The following WASF3 variants were observed in gnomAD, a reference collection of about 807,000 sequenced individuals.
The protein encoded by WASF3 is actin-binding protein WASF3.
Under a neutral mutation model 46.6 loss-of-function variants are expected in WASF3, and 11 were observed. The ratio of observed to expected loss-of-function variants is 0.24; its 90% confidence interval spans 0.15 to 0.39. The LOEUF (loss-of-function observed/expected upper bound fraction) is 0.39, where lower values mean the gene tolerates loss of function less well. Among genes scored for constraint, WASF3 ranks in the 10% least tolerant of loss-of-function variants. The pLI is 1.00. For synonymous variants in WASF3, 242 were observed against 259.7 expected (o/e 0.93, Z 0.65); for missense variants, 576 against 669.8 (o/e 0.86, Z 1.55).
rs1235144781 is a variant in WASF3, at chr13:26,629,002, T to C, written c.-10-13259T>C. Among the ~76,000 whole-genome samples the C allele has an allele frequency of 2.0e-5, 3 of 152,362 alleles. No individual in the cohort carries two copies. The East Asian group carries it at 5.8e-4, about 29-fold the overall frequency. ...GTGCTTCAGTGTGCCTTGAAAAGGC[T>C]GGCCCAGCGTTCATTGGGATGGACC... On this transcript the variant is annotated intron_variant, in intron 2 of 9. Transcript: ENST00000335327.
chr13:26,650,823 A>C (rs1000034396), intron 3 of WASF3, among the ~76,000 whole-genome samples: 2 of 152,238 alleles, frequency 1.3e-5, no homozygotes, highest in African/African-American at 4.8e-5. Flanking sequence ...AAATTATTTA[A>C]AGTGATTCAC....
chr13:26,678,478 T>C (rs1299578799), intron 7 of WASF3, among the ~76,000 whole-genome samples: 1 of 152,180 alleles, frequency 6.6e-6, no homozygotes, highest in African/African-American at 2.4e-5. Flanking sequence ...ATGTTTTCTT[T>C]CTTTTGACTT....
the WASF3 span, among the ~76,000 whole-genome samples, chr13:26,541,011 G>C: frequency 6.6e-6 from 1 of 151,942 alleles, no homozygotes; most frequent in Non-Finnish European, 1.5e-5. Context: ...TTGTCTCTGG[G>C]GTCTGGAATT....
intron 2 of WASF3, among the ~76,000 whole-genome samples, chr13:26,616,727 A>T (rs958923673): frequency 1.3e-5 from 2 of 152,098 alleles, no homozygotes; most frequent in Non-Finnish European, 2.9e-5. Context: ...GCTGTACATG[A>T]GTCAATAGCT....
At chr13:26,553,185 G>GA (rs1181736914), upstream of WASF3, among the ~76,000 whole-genome samples, 3 of 152,176 alleles carry the variant, frequency 2.0e-5, no homozygotes, top group African/African-American at 7.2e-5. Flanking sequence ...GGATTTCACA[G>GA]AACACTGACA....
At chr13:26,614,985 G>A (rs937782252) in intron 2 of WASF3, among the ~76,000 whole-genome samples, 3 of 151,960 alleles carry the variant, frequency 2.0e-5, no homozygotes, top group African/African-American at 7.3e-5. Flanking sequence ...TGATTAGCTT[G>A]GTGAGGCAGA....
At chr13:26,653,796 C>G (rs910375815) in intron 3 of WASF3, among the ~76,000 whole-genome samples, 1 of 152,208 alleles carries the variant, frequency 6.6e-6, no homozygotes. Context: ...TGACCTATCT[C>G]CTAGTTTCAA....
chr13:26,559,832 T>TCTTTCTTTCTCTCTTTCTTTC, intron 1 of WASF3, among the ~76,000 whole-genome samples: 1 of 98,734 alleles, frequency 1.0e-5, no homozygotes, highest in South Asian at 3.8e-4. Flanking sequence ...TTTTTTTTTT[T>TCTTTCTTTCTCTCTTTCTTTC]TTGAGACGGA....
At chr13:26,614,254 A>T (rs1022458235) in intron 2 of WASF3, among the ~76,000 whole-genome samples, 8 of 152,224 alleles carry the variant, frequency 5.3e-5, no homozygotes, top group Non-Finnish European at 1.0e-4. Context: ...AATTTACCAT[A>T]GGAAAATTGA....
chr13:26,686,012 GT>G lies in WASF3; in HGVS notation c.*168del, dbSNP rs1431598205. On this transcript the variant is annotated 3_prime_UTR_variant, in exon 10 of 10. Transcript: ENST00000335327. Reference sequence around the variant, plus strand: ...TCTGGGTCTTTTCAGTATTTACTGTGTAATACTTAAGTGCCACTAAACATAG... The same window carrying G: ...TCTGGGTCTTTTCAGTATTTACTGTGAATACTTAAGTGCCACTAAACATAG... 1.2e-6 allele frequency: 1 copy of G among 857,884 alleles called. No homozygotes were observed. The highest frequency in any genetic ancestry group is 2.7e-5 in the East Asian group (1 of 37,064). 53.1% of individuals were successfully genotyped at this position (857,884 alleles called of 1,614,324 possible).
intron 1 of WASF3, among the ~76,000 whole-genome samples, chr13:26,587,774 A>G (rs1373296524): frequency 6.6e-6 from 1 of 152,184 alleles, no homozygotes; most frequent in Non-Finnish European, 1.5e-5. Context: ...ATAATTCTGT[A>G]ACAAATTGGA....
intron 7 of WASF3, 51 bp from the exon 8 acceptor site, chr13:26,681,003 C>A: frequency 6.4e-7 from 1 of 1,562,418 alleles, no homozygotes; most frequent in Non-Finnish European, 8.7e-7. Context: ...TGTTAGCCGA[C>A]AATTTTTAAA....
At chr13:26,648,038 A>G (rs927760459) in intron 3 of WASF3, among the ~76,000 whole-genome samples, 2 of 152,130 alleles carry the variant, frequency 1.3e-5, no homozygotes, top group Non-Finnish European at 2.9e-5. Context: ...CCATTTTACT[A>G]ATGTTGGACA....
intron 2 of WASF3, among the ~76,000 whole-genome samples, chr13:26,636,679 T>C (rs1052717659): frequency 6.6e-6 from 1 of 152,186 alleles, no homozygotes; most frequent in African/African-American, 2.4e-5. Flanking sequence ...TTACCACCAA[T>C]ATCTCTGCTG....
At chr13:26,570,254 C>T (rs548351721) in intron 1 of WASF3, among the ~76,000 whole-genome samples, 16 of 152,308 alleles carry the variant, frequency 1.1e-4, no homozygotes, top group African/African-American at 3.8e-4. Flanking sequence ...TGCCACTGCA[C>T]TGCAGCCTGG....
rs375182970 is a variant in WASF3, at chr13:26,588,937, A to G, written c.-108-24024A>G. Among the ~76,000 whole-genome samples the G allele has an allele frequency of 1.4e-4, 21 of 152,078 alleles. No homozygotes were observed. In the East Asian group the frequency reaches 4.1e-3, roughly 29 times the overall value. ...CTCAGCCTCCCAAGTGGCTGGGGCCACAGGCACACACCACCACACCCAGCT... is the reference window on the plus strand; with the variant it reads ...CTCAGCCTCCCAAGTGGCTGGGGCCGCAGGCACACACCACCACACCCAGCT... On this transcript the variant is annotated intron_variant, in intron 1 of 9. Coordinates refer to ENST00000335327, the MANE Select transcript of WASF3 (RefSeq NM_006646.6).
chr13:26,666,039 G>A (rs1425925892), intron 4 of WASF3, among the ~76,000 whole-genome samples: 1 of 152,080 alleles, frequency 6.6e-6, no homozygotes, highest in Non-Finnish European at 1.5e-5. Context: ...AAAAGTAGTT[G>A]TGGAATTCAT....
At chr13:26,659,961 C>T (rs972348070) in intron 3 of WASF3, among the ~76,000 whole-genome samples, 15 of 152,070 alleles carry the variant, frequency 9.9e-5, no homozygotes, top group Non-Finnish European at 2.1e-4. Context: ...ATCAGGATCT[C>T]AGGAAGAGGC....
intron 3 of WASF3, 136 bp from the exon 4 acceptor site, chr13:26,664,892 G>T: frequency 1.2e-6 from 1 of 828,550 alleles, no homozygotes; most frequent in Non-Finnish European, 1.9e-6. Flanking sequence ...AAAGGCCTTG[G>T]ACTGTGACAC....
Sources: gnomAD v4.1 joint callset for allele counts (sites outside exome capture counted in the v4.1 genomes callset) on GRCh38, gnomAD v4.1.1 for gene constraint, MANE v1.5 for transcripts, NCBI Gene and HGNC (gene_info 2026-07-23, HGNC 2026-07-21) for gene names.